PRMT3: variants seen among roughly 807,000 people sequenced by gnomAD.
PRMT3 encodes the protein protein arginine methyltransferase 3.
Under a neutral mutation model 71.9 loss-of-function variants are expected in PRMT3, and 62 were observed. The ratio of observed to expected loss-of-function variants is 0.86; its 90% CI spans 0.70 to 1.07. The LOEUF (loss-of-function observed/expected upper bound fraction) is 1.07, where lower values mean the gene tolerates loss of function less well. Among genes scored for constraint, PRMT3 ranks in the 50% least tolerant of loss-of-function variants. The pLI is 0.00. For synonymous variants in PRMT3, 213 were observed against 220.4 expected (o/e 0.97, Z 0.30); for missense variants, 663 against 643.0 (o/e 1.03, Z -0.34).
At chr11:20,389,675 A>C in intron 2 of PRMT3, 69 bp from the exon 3 acceptor site, 1 of 1,065,152 alleles carries the variant, frequency 9.4e-7, no homozygotes, top group South Asian at 1.5e-5. Context: ...AAAAGTGTAT[A>C]TGTAACATGA....
At chr11:20,399,959 G>A (rs1420641113) in intron 7 of PRMT3, among the ~76,000 whole-genome samples, 7 of 152,076 alleles carry the variant, frequency 4.6e-5, no homozygotes, top group Non-Finnish European at 1.0e-4. Context: ...TCCTCCCCTT[G>A]GAAATGATTT....
At chr11:20,417,044 C>CAATGGTTTGCGTTGTGAAG (rs1849320741) in intron 9 of PRMT3, among the ~76,000 whole-genome samples, 1 of 152,138 alleles carries the variant, frequency 6.6e-6, no homozygotes, top group Non-Finnish European at 1.5e-5. Context: ...CTCTTGACTC[C>CAATGGTTTGCGTTGTGAAG]AATGGTTTGC....
intron 10 of PRMT3, among the ~76,000 whole-genome samples, chr11:20,438,267 G>A (rs185964718): frequency 8.3e-4 from 126 of 152,276 alleles, no homozygotes; most frequent in Non-Finnish European, 1.5e-3. Context: ...TGTTCTGGAG[G>A]TTTGGGCTGG....
chr11:20,447,031 G>A (rs1351072573), intron 10 of PRMT3, among the ~76,000 whole-genome samples: 3 of 152,110 alleles, frequency 2.0e-5, no homozygotes, highest in Admixed American at 6.6e-5. Context: ...TTTTAAGATG[G>A]AAGGGTCAAG....
intron 9 of PRMT3, among the ~76,000 whole-genome samples, chr11:20,409,337 A>C (rs946186683): frequency 6.6e-6 from 1 of 152,146 alleles, no homozygotes; most frequent in Non-Finnish European, 1.5e-5. Context: ...CAGTTGTTTC[A>C]CTGTCAAATG....
intron 9 of PRMT3, among the ~76,000 whole-genome samples, chr11:20,420,520 T>TG (rs1849402389): frequency 6.6e-6 from 1 of 152,052 alleles, no homozygotes. Context: ...GTCAGATCAG[T>TG]GGGGGCAATA....
rs375404449 is a variant in PRMT3 at position 20,441,190 on chromosome 11, A to G, written c.994-10940A>G. Among the ~76,000 whole-genome samples, 744 of 151,942 alleles carry G rather than the reference A, an allele frequency of 4.9e-3. 5 individuals carry two copies. Among genetic ancestry groups the G allele is most frequent in the South Asian group, 0.032 (154 of 4,824 alleles). On this transcript the variant is annotated intron_variant, in intron 10 of 15. Transcript: ENST00000331079. ...TACTGCCTAAACTTGGAATCAAAGA[A>G]TCCTGGTCTTTCATTGGAAAATGAT...
intron 9 of PRMT3, among the ~76,000 whole-genome samples, chr11:20,426,145 A>T (rs1339456017): frequency 6.6e-6 from 1 of 152,208 alleles, no homozygotes; most frequent in Non-Finnish European, 1.5e-5. Context: ...TAGTGATAAG[A>T]TTTCAGGTTT....
chr11:20,402,855 C>A, intron 7 of PRMT3, 64 bp from the exon 8 acceptor site: 1 of 1,297,596 alleles, frequency 7.7e-7, no homozygotes. Context: ...GCAAATATCT[C>A]CCTTAAAAAA....
chr11:20,419,624 T>G (rs1305717067), intron 9 of PRMT3, among the ~76,000 whole-genome samples: 1 of 152,204 alleles, frequency 6.6e-6, no homozygotes, highest in Non-Finnish European at 1.5e-5. Flanking sequence ...CTTTTTACAC[T>G]TAGGCATTGA....
chr11:20,461,290 C>T (rs1850377714), intron 11 of PRMT3, among the ~76,000 whole-genome samples: 2 of 152,186 alleles, frequency 1.3e-5, no homozygotes, highest in South Asian at 4.1e-4. Context: ...ATTATCCCTT[C>T]TCCCCTGCTC....
intron 13 of PRMT3, among the ~76,000 whole-genome samples, chr11:20,489,345 C>G (rs1410578889): frequency 6.6e-6 from 1 of 152,112 alleles, no homozygotes; most frequent in African/African-American, 2.4e-5. Context: ...ATTGCCCCAA[C>G]AAGATATATA....
At chr11:20,432,051 A>G (rs1051319529) in intron 10 of PRMT3, among the ~76,000 whole-genome samples, 6 of 152,064 alleles carry the variant, frequency 3.9e-5, no homozygotes, top group Non-Finnish European at 7.4e-5. Flanking sequence ...TCCCTTGTGT[A>G]TAATTATTTT....
At chr11:20,468,408 G>A (rs1057196022) in intron 13 of PRMT3, among the ~76,000 whole-genome samples, 1 of 151,948 alleles carries the variant, frequency 6.6e-6, no homozygotes, top group Non-Finnish European at 1.5e-5. Context: ...ACTCTATATT[G>A]CCTAGGCTGG....
At chr11:20,472,313 T>G (rs34511366) in intron 13 of PRMT3, among the ~76,000 whole-genome samples, 10,735 of 151,926 alleles carry the variant, frequency 0.071, 1,175 homozygotes, top group African/African-American at 0.24. Flanking sequence ...TGTTGCCCAT[T>G]CAGTGTGATA....
At chr11:20,493,020 G>A (rs1035704813) in intron 13 of PRMT3, among the ~76,000 whole-genome samples, 41 of 152,204 alleles carry the variant, frequency 2.7e-4, no homozygotes, top group Admixed American at 1.4e-3. Flanking sequence ...GGTGGCGCAC[G>A]CCTGTGGTCC....
chr11:20,389,076 A>G (rs1848657854), intron 2 of PRMT3, among the ~76,000 whole-genome samples: 1 of 152,088 alleles, frequency 6.6e-6, no homozygotes, highest in South Asian at 2.1e-4. Flanking sequence ...TAAATAGTCG[A>G]CATAACCTAT....
chr11:20,408,131 A>G, intron 9 of PRMT3, 99 bp downstream of exon 9: 1 of 830,290 alleles, frequency 1.2e-6, no homozygotes, highest in Non-Finnish European at 1.7e-6. Context: ...CAGACTAAAG[A>G]CATTTGTCTT....
At chr11:20,398,962 A>C (rs769518725) in intron 7 of PRMT3, among the ~76,000 whole-genome samples, 9 of 152,256 alleles carry the variant, frequency 5.9e-5, no homozygotes, top group Non-Finnish European at 1.2e-4. Flanking sequence ...ATCCATATAA[A>C]ATAGAAGTTG....
Sources: gnomAD v4.1 joint callset for allele counts (sites outside exome capture counted in the v4.1 genomes callset) on GRCh38, gnomAD v4.1.1 for gene constraint, MANE v1.5 for transcripts, NCBI Gene and HGNC (gene_info 2026-07-23, HGNC 2026-07-21) for gene names.